Variants in MALRD1 observed in about 807,000 individuals in gnomAD.
MALRD1 encodes the protein MAM and LDL receptor class A domain containing 1.
MALRD1 carries 247 observed loss-of-function variants against 242.1 expected under a neutral mutation model. That is an observed-to-expected ratio of 1.02 (90% CI 0.92 to 1.13). The LOEUF is 1.13. MALRD1 is among the 50% of genes most tolerant of loss of function. The probability of loss-of-function intolerance (pLI) is 0.00; values close to 1 mark genes in which losing one functional copy is unlikely to be tolerated. For missense variants in MALRD1, 2,989 were observed against 2,533.1 expected, an observed-to-expected ratio of 1.18 and a Z score of -3.86; for synonymous variants, 995 against 866.6, an observed-to-expected ratio of 1.15 and a Z score of -2.60.
At chr10:19,155,511 T>C (rs1180290691) in intron 12 of MALRD1, among the ~76,000 whole-genome samples, 1 of 152,198 alleles carries the variant, frequency 6.6e-6, no homozygotes, top group African/African-American at 2.4e-5. Flanking sequence ...TAAGTGTTTG[T>C]TGAAAGAAAG....
chr10:19,726,950 GGT>G, intron 38 of MALRD1, among the ~76,000 whole-genome samples: 1 of 152,250 alleles, frequency 6.6e-6, no homozygotes, highest in East Asian at 1.9e-4. Context: ...AGGGGAATGG[GGT>G]GTTAATGCTC....
chr10:19,328,529 C>T (rs1392354196), intron 23 of MALRD1, among the ~76,000 whole-genome samples: 2 of 152,062 alleles, frequency 1.3e-5, no homozygotes, highest in Non-Finnish European at 1.5e-5. Context: ...CCATGTGCAG[C>T]TGGGGTAGCC....
intron 36 of MALRD1, among the ~76,000 whole-genome samples, chr10:19,632,777 C>T: frequency 6.6e-6 from 1 of 152,068 alleles, no homozygotes; most frequent in East Asian, 1.9e-4. Context: ...TTACATATGT[C>T]TCATTTTCCT....
At chr10:19,269,115 T>C (rs2131841621) in intron 19 of MALRD1, among the ~76,000 whole-genome samples, 1 of 152,352 alleles carries the variant, frequency 6.6e-6, no homozygotes, top group East Asian at 1.9e-4. Context: ...CTACCAACTT[T>C]AGCCTTATTC....
chr10:19,649,971 A>G (rs1157439812), intron 36 of MALRD1, among the ~76,000 whole-genome samples: 1 of 152,180 alleles, frequency 6.6e-6, no homozygotes, highest in Non-Finnish European at 1.5e-5. Flanking sequence ...AGCATCATTT[A>G]TTGAACAGGG....
intron 26 of MALRD1, among the ~76,000 whole-genome samples, chr10:19,368,587 C>G (rs1316220001): frequency 6.6e-6 from 1 of 151,840 alleles, no homozygotes; most frequent in Admixed American, 6.6e-5. Context: ...TTGAGGATTG[C>G]TTTGACTATT....
intron 36 of MALRD1, among the ~76,000 whole-genome samples, chr10:19,638,553 G>A (rs1231470707): frequency 6.6e-6 from 1 of 152,182 alleles, no homozygotes; most frequent in African/African-American, 2.4e-5. Flanking sequence ...GAAAATGGTA[G>A]TACTGCAAGC....
intron 26 of MALRD1, among the ~76,000 whole-genome samples, chr10:19,356,308 A>G (rs2131013904): frequency 6.6e-6 from 1 of 152,182 alleles, no homozygotes; most frequent in African/African-American, 2.4e-5. Flanking sequence ...AGAAGTGGGA[A>G]TAGTGGTATC....
At chr10:19,054,102 A>G (rs963609859) in intron 1 of MALRD1, among the ~76,000 whole-genome samples, 1 of 152,148 alleles carries the variant, frequency 6.6e-6, no homozygotes, top group African/African-American at 2.4e-5. Flanking sequence ...TGGTCTGTGT[A>G]ATTTTTTTAA....
intron 34 of MALRD1, among the ~76,000 whole-genome samples, chr10:19,603,560 T>A (rs1312780551): frequency 1.3e-5 from 2 of 152,188 alleles, no homozygotes; most frequent in African/African-American, 4.8e-5. Context: ...TATATCTCTG[T>A]TTTGGTACCA....
chr10:19,648,424 C>T (rs1347721623), intron 36 of MALRD1, among the ~76,000 whole-genome samples: 1 of 152,080 alleles, frequency 6.6e-6, no homozygotes, highest in African/African-American at 2.4e-5. Flanking sequence ...AGGTTGAGTC[C>T]ACCAAGTTAG....
In MALRD1 at chr10:19,465,854, C is replaced by T. The variant is rs917140678; in HGVS notation, c.5029+15364C>T. ...TCTCCAGAGTCTGTGGATATCTTTCCCTGTCTCTGTAATTCAAAAACCTAA... is the reference window on the plus strand; with the variant it reads ...TCTCCAGAGTCTGTGGATATCTTTCTCTGTCTCTGTAATTCAAAAACCTAA... On this transcript the variant is annotated intron_variant, in intron 29 of 39. Coordinates refer to ENST00000454679, the MANE Select transcript of MALRD1 (RefSeq NM_001142308.3). Among the ~76,000 whole-genome samples the T allele has an allele frequency of 5.3e-5, 8 of 152,258 alleles. No individual in the cohort carries two copies. The East Asian group carries it at 1.5e-3, about 29-fold the overall frequency.
intron 10 of MALRD1, among the ~76,000 whole-genome samples, chr10:19,145,050 A>G (rs953047270): frequency 6.6e-6 from 1 of 152,042 alleles, no homozygotes; most frequent in South Asian, 2.1e-4. Flanking sequence ...TTTTAAATTA[A>G]TTGTATTAAT....
intron 6 of MALRD1, among the ~76,000 whole-genome samples, chr10:19,124,321 A>G (rs1399115276): frequency 6.6e-6 from 1 of 152,204 alleles, no homozygotes; most frequent in African/African-American, 2.4e-5. Flanking sequence ...GATATTGTAC[A>G]TGTGGATCAA....
chr10:19,279,955 C>A, intron 19 of MALRD1, 92 bp from the exon 20 acceptor site: 1 of 1,005,010 alleles, frequency 1.0e-6, no homozygotes, highest in Non-Finnish European at 1.4e-6. Flanking sequence ...TATTGTGGGG[C>A]ATATTTAGAA....
chr10:19,327,471 TAA>T (rs368517843), intron 22 of MALRD1, 90 bp from the exon 23 acceptor site: 3,725 of 800,052 alleles, frequency 4.7e-3, no homozygotes, highest in South Asian at 7.6e-3. Context: ...ATATTGCAAC[TAA>T]AAAAAAAAAA....
In MALRD1 at chr10:19,402,497, C is replaced by T. The variant is rs1283601576; in HGVS notation, c.4845+12888C>T. Among the ~76,000 whole-genome samples the T allele has an allele frequency of 2.6e-5, 4 of 151,906 alleles. No homozygotes were observed. In the East Asian group the frequency reaches 7.7e-4, roughly 29 times the overall value. On this transcript the variant is annotated intron_variant, in intron 28 of 39. Coordinates refer to ENST00000454679, the MANE Select transcript of MALRD1 (RefSeq NM_001142308.3). ...CCATGTAAAACATGACTTTGCTCCT[C>T]ACTTACCTTCAGCCATGACTGTGAG...
chr10:19,648,965 C>G (rs1208110987), intron 36 of MALRD1, among the ~76,000 whole-genome samples: 1 of 152,134 alleles, frequency 6.6e-6, no homozygotes, highest in Non-Finnish European at 1.5e-5. Flanking sequence ...CATTGAGCCC[C>G]CACTTATAAG....
chr10:19,162,523 C>G (rs997901099), intron 12 of MALRD1, among the ~76,000 whole-genome samples: 2 of 152,142 alleles, frequency 1.3e-5, no homozygotes, highest in African/African-American at 4.8e-5. Flanking sequence ...CACAGAGTTT[C>G]CATACTTGAG....
Sources: allele counts gnomAD v4.1 joint callset (sites outside exome capture counted in the v4.1 genomes callset), GRCh38; gene constraint gnomAD v4.1.1; transcripts MANE v1.5; gene names NCBI Gene and HGNC (gene_info 2026-07-23, HGNC 2026-07-21).